Variants in CFAP210 observed in about 807,000 individuals in gnomAD.
CFAP210 encodes the protein cilia and flagella associated protein 210.
chr2:169,645,939 C>G, the CFAP210 span: 2 of 1,613,900 alleles, frequency 1.2e-6, no homozygotes, highest in Admixed American at 1.7e-5. Flanking sequence ...ACATCATTTG[C>G]CTGATAGCTG....
the CFAP210 span, among the ~76,000 whole-genome samples, chr2:169,686,396 T>G: frequency 7.2e-6 from 1 of 139,104 alleles, no homozygotes; most frequent in East Asian, 2.2e-4. Flanking sequence ...TGGGAAGTAT[T>G]GCCATCTGTC....
the CFAP210 span, among the ~76,000 whole-genome samples, chr2:169,662,603 C>T: frequency 6.6e-6 from 1 of 152,190 alleles, no homozygotes; most frequent in South Asian, 2.1e-4. Flanking sequence ...TAAAACTAAT[C>T]CAATCTTGGT....
the CFAP210 span, chr2:169,661,207 T>C: frequency 1.6e-5 from 9 of 575,812 alleles, no homozygotes; most frequent in Non-Finnish European, 3.1e-5. Context: ...CAACTTCTCA[T>C]CTGCTGGCTG....
chr2:169,661,383 T>A, the CFAP210 span: 2 of 384,732 alleles, frequency 5.2e-6, no homozygotes, highest in Non-Finnish European at 1.0e-5. Context: ...TCTATCCTTA[T>A]CCTTTTATCC....
At chr2:169,685,672 T>A in the CFAP210 span, among the ~76,000 whole-genome samples, 1 of 145,360 alleles carries the variant, frequency 6.9e-6, no homozygotes, top group Non-Finnish European at 1.6e-5. Flanking sequence ...TCTAAGAAAT[T>A]GTTGCCTAAT....
the CFAP210 span, among the ~76,000 whole-genome samples, chr2:169,682,269 TC>T: frequency 6.6e-6 from 1 of 152,098 alleles, no homozygotes; most frequent in Admixed American, 6.6e-5. Flanking sequence ...GGACTCAATC[TC>T]CTAGAGAGCC....
chr2:169,668,816 T>A, the CFAP210 span, among the ~76,000 whole-genome samples: 2 of 152,234 alleles, frequency 1.3e-5, no homozygotes, highest in East Asian at 1.9e-4. Flanking sequence ...TGATCACAGA[T>A]CACCATAATA....
At chr2:169,660,590 A>T in the CFAP210 span, among the ~76,000 whole-genome samples, 1 of 97,564 alleles carries the variant, frequency 1.0e-5, no homozygotes, top group Admixed American at 8.9e-5. Context: ...TGCTTATTTT[A>T]TATATATATA....
At chr2:169,654,883 A>G in the CFAP210 span, among the ~76,000 whole-genome samples, 1 of 151,922 alleles carries the variant, frequency 6.6e-6, no homozygotes, top group Non-Finnish European at 1.5e-5. Context: ...GCGTCCTTCC[A>G]CTCCATCCAC....
chr2:169,666,356 CA>C, the CFAP210 span, among the ~76,000 whole-genome samples: 1 of 148,658 alleles, frequency 6.7e-6, no homozygotes, highest in Non-Finnish European at 1.5e-5. Context: ...AAAAAACAAA[CA>C]AACAAATAAA....
the CFAP210 span, chr2:169,649,227 A>C: frequency 6.2e-7 from 1 of 1,613,560 alleles, no homozygotes; most frequent in South Asian, 1.1e-5. Context: ...GTTCTTTATC[A>C]GCTTTGCATT....
At chr2:169,681,670 G>A in the CFAP210 span, among the ~76,000 whole-genome samples, 1 of 152,214 alleles carries the variant, frequency 6.6e-6, no homozygotes, top group Non-Finnish European at 1.5e-5. Context: ...TTCCCACTGA[G>A]CAGCAGCAAC....
At chr2:169,678,146 G>T in the CFAP210 span, among the ~76,000 whole-genome samples, 3 of 151,778 alleles carry the variant, frequency 2.0e-5, no homozygotes, top group African/African-American at 7.3e-5. Flanking sequence ...TTCGAGACCA[G>T]CCTGACCAAC....
chr2:169,653,652 A>G, the CFAP210 span, among the ~76,000 whole-genome samples: 3 of 152,132 alleles, frequency 2.0e-5, no homozygotes, highest in Admixed American at 1.3e-4. Context: ...CTTCTTACTG[A>G]GAGTCTTCTC....
the CFAP210 span, among the ~76,000 whole-genome samples, chr2:169,686,643 A>G: frequency 6.6e-6 from 1 of 152,158 alleles, no homozygotes; most frequent in African/African-American, 2.4e-5. Context: ...TATGAAGCCA[A>G]CAGTCTCAAT....
At chr2:169,672,071 C>T in the CFAP210 span, among the ~76,000 whole-genome samples, 2 of 152,138 alleles carry the variant, frequency 1.3e-5, no homozygotes, top group Non-Finnish European at 2.9e-5. Flanking sequence ...AGGTTCATCC[C>T]TATTCGTAAC....
the CFAP210 span, among the ~76,000 whole-genome samples, chr2:169,667,245 T>C: frequency 1.3e-5 from 2 of 151,868 alleles, no homozygotes; most frequent in African/African-American, 4.8e-5. Flanking sequence ...TTCAAGAGAT[T>C]CTCCTGCCTC....
the CFAP210 span, chr2:169,645,859 CCTT>C: frequency 5.0e-5 from 80 of 1,611,264 alleles, no homozygotes; most frequent in South Asian, 7.7e-5. Context: ...TAAAACCTAG[CCTT>C]CTCTTTGACT....
the CFAP210 span, among the ~76,000 whole-genome samples, chr2:169,670,186 T>A: frequency 6.6e-6 from 1 of 152,046 alleles, no homozygotes; most frequent in Non-Finnish European, 1.5e-5. Context: ...AAAGAAGACC[T>A]ATACAGTGTC....
Sources: allele counts gnomAD v4.1 joint callset (sites outside exome capture counted in the v4.1 genomes callset), GRCh38; gene constraint gnomAD v4.1.1; transcripts MANE v1.5; gene names NCBI Gene and HGNC (gene_info 2026-07-23, HGNC 2026-07-21).